RIMS1: variants seen among roughly 807,000 people sequenced by gnomAD.
RIMS1 encodes the protein regulating synaptic membrane exocytosis 1.
A neutral mutation model predicts 214.1 loss-of-function variants in RIMS1; 83 were observed. That is an observed-to-expected ratio of 0.39 (90% CI 0.32 to 0.47). The LOEUF (loss-of-function observed/expected upper bound fraction) is 0.47. Among genes scored for constraint, RIMS1 ranks in the 20% least tolerant of loss-of-function variants. The probability of loss-of-function intolerance (pLI) is 0.99; values close to 1 mark genes in which losing one functional copy is unlikely to be tolerated. For missense variants in RIMS1, 2,050 were observed against 2,161.8 expected (o/e 0.95, Z 1.03); for synonymous variants, 793 against 786.8 (o/e 1.01, Z -0.13).
At chr6:72,103,951 T>C (rs1349878232) in intron 4 of RIMS1, among the ~76,000 whole-genome samples, 1 of 152,152 alleles carries the variant, frequency 6.6e-6, no homozygotes, top group Non-Finnish European at 1.5e-5. Flanking sequence ...TATTCATACA[T>C]AAAAATGCTT....
At chr6:72,130,516 A>T (rs2040272894) in intron 4 of RIMS1, among the ~76,000 whole-genome samples, 1 of 152,172 alleles carries the variant, frequency 6.6e-6, no homozygotes, top group South Asian at 2.1e-4. Context: ...AATGAGGGAT[A>T]ATCTCCTTAG....
chr6:72,078,936 A>G (rs956706838), intron 2 of RIMS1, among the ~76,000 whole-genome samples: 2 of 152,106 alleles, frequency 1.3e-5, no homozygotes, highest in African/African-American at 4.8e-5. Context: ...TAAGCATTTA[A>G]CATATTTGAG....
chr6:71,888,609 G>T lies in RIMS1; in HGVS notation c.164+1422G>T, dbSNP rs375574996. On this transcript the variant is annotated intron_variant, in intron 1 of 33. Coordinates refer to ENST00000521978, the MANE Select transcript of RIMS1 (RefSeq NM_014989.7). ...AGGGAGGCTGCATTCACAGACCGAT[G>T]GTTCCCCAACCAGGGCAACTGACAC... is the stretch of plus-strand genomic sequence containing the variant. Among the ~76,000 whole-genome samples, 23 of 152,282 alleles carry T rather than the reference G, an allele frequency of 1.5e-4. 1 individual carries two copies. The highest frequency in any genetic ancestry group is 1.2e-3 in the Admixed American group (19 of 15,296).
At chr6:72,309,474 G>A (rs2095404799) in intron 27 of RIMS1, among the ~76,000 whole-genome samples, 1 of 152,044 alleles carries the variant, frequency 6.6e-6, no homozygotes, top group South Asian at 2.1e-4. Context: ...TTGGGACTTA[G>A]GGTATGACTT....
At chr6:72,170,013 C>G (rs2046804182) in intron 4 of RIMS1, among the ~76,000 whole-genome samples, 1 of 152,208 alleles carries the variant, frequency 6.6e-6, no homozygotes, top group Non-Finnish European at 1.5e-5. Context: ...CCACAAAGAC[C>G]TACTGGGTCT....
chr6:72,258,041 T>A, intron 16 of RIMS1, 84 bp from the exon 17 acceptor site: 1 of 1,262,594 alleles, frequency 7.9e-7, no homozygotes, highest in Non-Finnish European at 1.1e-6. Context: ...CAATGGCTGC[T>A]TTAGAATAAT....
intron 24 of RIMS1, among the ~76,000 whole-genome samples, chr6:72,284,919 C>A (rs2091756963): frequency 6.6e-6 from 1 of 152,050 alleles, no homozygotes; most frequent in African/African-American, 2.4e-5. Flanking sequence ...AACAGATGTC[C>A]CTTGAGCTAA....
chr6:72,179,835 G>A lies in RIMS1; in HGVS notation c.732G>A (p.Gly244=), dbSNP rs369651873. 24 of 1,611,398 alleles carry A rather than the reference G, an allele frequency of 1.5e-5. 1 individual carries two copies. In the African/African-American group the frequency reaches 3.2e-4, roughly 22 times the overall value. ...GCGCACCACCAGACAGGAGCAAAGG[G>A]GCTGAGCCCTCGCAGCAAGCCTTGG... ...PPSAPPDRSK[G]AEPSQQALGP... The change falls in exon 5 of 34, where the codon GGG becomes GGA. Residue 244 remains glycine (G), a synonymous_variant. Transcript: ENST00000521978.
chr6:72,384,738 A>G (rs897150413), intron 29 of RIMS1, among the ~76,000 whole-genome samples: 8 of 152,154 alleles, frequency 5.3e-5, no homozygotes, highest in Non-Finnish European at 1.2e-4. Flanking sequence ...CTATCTCTCT[A>G]TCTTTCTAGC....
At chr6:72,309,222 G>C (rs1420248796) in intron 27 of RIMS1, among the ~76,000 whole-genome samples, 1 of 152,064 alleles carries the variant, frequency 6.6e-6, no homozygotes, top group African/African-American at 2.4e-5. Flanking sequence ...TCGACAAAAT[G>C]AAGTACTCAG....
chr6:71,982,088 C>A (rs1798640171), intron 2 of RIMS1, among the ~76,000 whole-genome samples: 1 of 152,082 alleles, frequency 6.6e-6, no homozygotes, highest in Non-Finnish European at 1.5e-5. Context: ...TATGGAGGAT[C>A]AGGGAGGAGA....
intron 1 of RIMS1, among the ~76,000 whole-genome samples, chr6:71,966,354 A>G (rs1318238781): frequency 1.3e-5 from 2 of 152,238 alleles, no homozygotes; most frequent in Non-Finnish European, 2.9e-5. Context: ...TTATTATTCA[A>G]TAAAACTTTA....
At position 72,023,632 on chromosome 6, in the gene RIMS1, G is replaced by GT. The variant is rs982827361; in HGVS notation, c.245+54577dup. On this transcript the variant is annotated intron_variant, in intron 2 of 33. Coordinates refer to ENST00000521978, the MANE Select transcript of RIMS1 (RefSeq NM_014989.7). ...CTTTGTGATCTTTTTTAATTTGTAA[G>GT]TTTTTTTTCATTCCCATGCTATTTG... Among the ~76,000 whole-genome samples the GT allele has an allele frequency of 4.6e-5, 7 of 151,764 alleles. No individual in the cohort carries two copies. In the South Asian group the frequency reaches 1.0e-3, roughly 22 times the overall value.
chr6:72,242,767 T>G (rs2067517700), intron 10 of RIMS1, among the ~76,000 whole-genome samples: 1 of 151,858 alleles, frequency 6.6e-6, no homozygotes, highest in African/African-American at 2.4e-5. Context: ...TAGTATTTCC[T>G]TTAAGAGAGG....
chr6:72,306,827 G>A (rs747987705), intron 26 of RIMS1, among the ~76,000 whole-genome samples: 10 of 152,176 alleles, frequency 6.6e-5, no homozygotes, highest in Non-Finnish European at 1.5e-4. Flanking sequence ...AGCTGAGGGT[G>A]TTAAGTGGGT....
chr6:71,897,901 G>C (rs7760440), intron 1 of RIMS1, among the ~76,000 whole-genome samples: 60,094 of 151,720 alleles, frequency 0.4, 12,461 homozygotes, highest in East Asian at 0.61. Context: ...GGTATAAGTA[G>C]GAGGATAGAG....
intron 4 of RIMS1, chr6:72,126,766 A>AG: frequency 4.2e-6 from 1 of 240,770 alleles, no homozygotes; most frequent in Non-Finnish European, 8.3e-6. Context: ...AAAGTTAAAA[A>AG]AAAAAAAAAA....
intron 2 of RIMS1, among the ~76,000 whole-genome samples, chr6:72,075,345 C>T (rs962874989): frequency 1.1e-4 from 17 of 152,264 alleles, no homozygotes; most frequent in Admixed American, 2.0e-4. Context: ...TGGGCTCAAA[C>T]GATCCTCCTG....
chr6:72,334,747 G>A (rs1315317733), intron 29 of RIMS1, among the ~76,000 whole-genome samples: 1 of 151,746 alleles, frequency 6.6e-6, no homozygotes. Flanking sequence ...ATCTCACTCA[G>A]CATTCTGGAA....
Sources: allele counts gnomAD v4.1 joint callset (sites outside exome capture counted in the v4.1 genomes callset), GRCh38; gene constraint gnomAD v4.1.1; transcripts MANE v1.5; gene names NCBI Gene and HGNC (gene_info 2026-07-23, HGNC 2026-07-21).